LRRC4C: variants seen among roughly 807,000 people sequenced by gnomAD.
The protein encoded by LRRC4C is leucine-rich repeat-containing protein 4C.
Under a neutral mutation model 33.6 loss-of-function variants are expected in LRRC4C, and 5 were observed. The ratio of observed to expected loss-of-function variants is 0.15; its 90% CI spans 0.08 to 0.31. The LOEUF is 0.31. Ranked by LOEUF, LRRC4C falls within the 10% of genes least tolerant of loss-of-function variation. LRRC4C has a pLI of 1.00. For synonymous variants in LRRC4C, 329 were observed against 302.0 expected, an observed-to-expected ratio of 1.09 and a Z score of -0.93; for missense variants, 560 against 796.7, an observed-to-expected ratio of 0.70 and a Z score of 3.58.
At position 40,561,408 on chromosome 11, in the gene LRRC4C, CTTTTTT is replaced by C. The variant is rs549919738; in HGVS notation, c.-270+86728_-270+86733del. Reference sequence around the variant, plus strand: ...TCTTTATTCTTTGTTCTGAGGATTCCTTTTTTTTTTTTTTTTTTTTTTGAGACAGAG... The same window carrying C: ...TCTTTATTCTTTGTTCTGAGGATTCCTTTTTTTTTTTTTTTTGAGACAGAG... On this transcript the variant is annotated intron_variant, in intron 3 of 6. Coordinates refer to ENST00000528697, the MANE Select transcript of LRRC4C (RefSeq NM_001258419.2). Among the ~76,000 whole-genome samples the C allele has an allele frequency of 7.1e-4, 72 of 100,936 alleles. 1 individual carries two copies. The highest frequency in any genetic ancestry group is 1.3e-3 in the African/African-American group (32 of 25,100). 66.2% of individuals were successfully genotyped at this position (100,936 alleles called of 152,430 possible). A position where few individuals can be genotyped will look rare whatever the true frequency, so the allele number is the denominator to read the frequency against.
chr11:40,390,232 GT>G (rs897970757), intron 3 of LRRC4C, among the ~76,000 whole-genome samples: 1 of 152,126 alleles, frequency 6.6e-6, no homozygotes, highest in Non-Finnish European at 1.5e-5. Context: ...TCACACTTCT[GT>G]CGGTGTTTAG....
At position 40,116,328 on chromosome 11, in the gene LRRC4C, A is replaced by G. The variant is rs760844469; in HGVS notation, c.-36T>C. 1.3e-6 allele frequency: 2 copies of G among 1,539,630 alleles called. No individual in the cohort carries two copies. The highest frequency in any genetic ancestry group is 4.2e-5 in the Admixed American group (2 of 48,092). On this transcript the variant is annotated 5_prime_UTR_variant, in exon 7 of 7. Coordinates refer to ENST00000528697, the MANE Select transcript of LRRC4C (RefSeq NM_001258419.2). ...TCTGGTGTTGGTCCTTCTGGAATTCAAACAGTCTGCAAAATACAAGCAAAA... is the reference window on the plus strand; with the variant it reads ...TCTGGTGTTGGTCCTTCTGGAATTCGAACAGTCTGCAAAATACAAGCAAAA...
At chr11:40,201,130 G>A (rs186722173) in intron 5 of LRRC4C, among the ~76,000 whole-genome samples, 38 of 152,298 alleles carry the variant, frequency 2.5e-4, no homozygotes, top group Admixed American at 1.9e-3. Flanking sequence ...ATGCAAAAGT[G>A]TATCCATCCT....
intron 3 of LRRC4C, among the ~76,000 whole-genome samples, chr11:40,470,911 GGT>G (rs1212519502): frequency 6.6e-6 from 1 of 152,104 alleles, no homozygotes; most frequent in Non-Finnish European, 1.5e-5. Flanking sequence ...ACATTTGATT[GGT>G]ATACCTGAAA....
intron 4 of LRRC4C, among the ~76,000 whole-genome samples, chr11:40,273,821 A>G (rs1365238696): frequency 6.6e-6 from 1 of 152,168 alleles, no homozygotes; most frequent in Non-Finnish European, 1.5e-5. Flanking sequence ...CAGAAATGAA[A>G]ATAGATATGA....
rs776457418 is a variant in LRRC4C, at chr11:41,438,344, T to C, written c.-496+21087A>G. The stretch of plus-strand genomic sequence containing the variant: ...TCTTAAAAGTCTTACATTCTAATGA[T>C]GTAGACTTACCAAATACAAGACAAT... On this transcript the variant is annotated intron_variant, in intron 1 of 6. Transcript: ENST00000528697. 1.2e-4 allele frequency among the ~76,000 whole-genome samples: 18 copies of C among 152,244 alleles called. No individual in the cohort carries two copies. In the East Asian group the frequency reaches 3.3e-3, roughly 28 times the overall value.
At chr11:40,535,948 C>G (rs2135348061) in intron 3 of LRRC4C, among the ~76,000 whole-genome samples, 1 of 152,276 alleles carries the variant, frequency 6.6e-6, no homozygotes, top group Admixed American at 6.5e-5. Flanking sequence ...AGCAAACTAC[C>G]ACTCTGATGA....
intron 1 of LRRC4C, among the ~76,000 whole-genome samples, chr11:41,136,260 G>A (rs541160089): frequency 4.9e-4 from 75 of 152,202 alleles, no homozygotes; most frequent in Middle Eastern, 3.4e-3. Context: ...AAAATCTTAC[G>A]CGTGTAGGGG....
intron 1 of LRRC4C, among the ~76,000 whole-genome samples, chr11:41,279,975 A>G: frequency 6.6e-6 from 1 of 152,030 alleles, no homozygotes; most frequent in South Asian, 2.1e-4. Context: ...CTCTCAGTTC[A>G]AGGTTGGTTC....
intron 3 of LRRC4C, among the ~76,000 whole-genome samples, chr11:40,347,189 T>A (rs1947175501): frequency 6.6e-6 from 1 of 152,238 alleles, no homozygotes; most frequent in Non-Finnish European, 1.5e-5. Flanking sequence ...ATTTTCTGAA[T>A]AACTTGCTGC....
intron 2 of LRRC4C, among the ~76,000 whole-genome samples, chr11:40,894,187 A>G (rs1163668974): frequency 1.3e-5 from 2 of 152,162 alleles, no homozygotes; most frequent in Non-Finnish European, 2.9e-5. Flanking sequence ...AATTCAGTTT[A>G]TAGACTTTTA....
At chr11:41,301,490 A>G (rs2137079760) in intron 1 of LRRC4C, among the ~76,000 whole-genome samples, 1 of 152,264 alleles carries the variant, frequency 6.6e-6, no homozygotes, top group South Asian at 2.1e-4. Context: ...TCTTTTTCGT[A>G]ATGCTATCTC....
At chr11:41,132,723 T>C (rs919124000) in intron 1 of LRRC4C, among the ~76,000 whole-genome samples, 3 of 152,044 alleles carry the variant, frequency 2.0e-5, no homozygotes, top group African/African-American at 7.2e-5. Context: ...TGAAATAAAT[T>C]GTGTCTTATT....
intron 2 of LRRC4C, among the ~76,000 whole-genome samples, chr11:40,652,255 T>G (rs1942854836): frequency 6.6e-6 from 1 of 152,174 alleles, no homozygotes; most frequent in Non-Finnish European, 1.5e-5. Context: ...CATAGATATC[T>G]AGGATCTAAA....
At position 40,938,814 on chromosome 11, in the gene LRRC4C, T is replaced by C. The variant is rs747541471; in HGVS notation, c.-495-5091A>G. ...AAGGGAATTATTTAATTGCACAAAT[T>C]TCAAGCTCTTCTCAAACTAGAAAAT... On this transcript the variant is annotated intron_variant, in intron 1 of 6. Coordinates refer to ENST00000528697, the MANE Select transcript of LRRC4C (RefSeq NM_001258419.2). 5.8e-4 allele frequency among the ~76,000 whole-genome samples: 88 copies of C among 152,236 alleles called. 1 individual carries two copies. Among genetic ancestry groups the C allele is most frequent in the Admixed American group, 1.5e-3 (23 of 15,258 alleles).
At chr11:40,624,984 T>C (rs149775524) in intron 3 of LRRC4C, among the ~76,000 whole-genome samples, 15 of 152,248 alleles carry the variant, frequency 9.9e-5, no homozygotes, top group African/African-American at 3.6e-4. Flanking sequence ...ATAATAAATA[T>C]AATAGAAATA....
chr11:41,304,826 C>A (rs1950430820), intron 1 of LRRC4C, among the ~76,000 whole-genome samples: 1 of 98,468 alleles, frequency 1.0e-5, no homozygotes, highest in Non-Finnish European at 2.1e-5. Context: ...GTGGGGGGGT[C>A]AGCCCCCCGC....
At chr11:40,166,876 A>C (rs751416889) in intron 5 of LRRC4C, among the ~76,000 whole-genome samples, 8 of 152,122 alleles carry the variant, frequency 5.3e-5, no homozygotes, top group African/African-American at 9.7e-5. Context: ...ATGGGTAGAG[A>C]TGTAACATGT....
intron 1 of LRRC4C, among the ~76,000 whole-genome samples, chr11:41,446,953 A>G (rs1955845612): frequency 6.6e-6 from 1 of 152,220 alleles, no homozygotes; most frequent in Non-Finnish European, 1.5e-5. Context: ...TCACAAAACT[A>G]AAGCAAAAAT....
Sources: allele counts gnomAD v4.1 joint callset (sites outside exome capture counted in the v4.1 genomes callset), GRCh38; gene constraint gnomAD v4.1.1; transcripts MANE v1.5; gene names NCBI Gene and HGNC (gene_info 2026-07-23, HGNC 2026-07-21).